ARHGAP12: variants seen among roughly 807,000 people sequenced by gnomAD.
ARHGAP12 encodes the protein Rho GTPase activating protein 12.
A neutral mutation model predicts 108.6 loss-of-function variants in ARHGAP12; 64 were observed. The observed-to-expected ratio is 0.59, with a 90% confidence interval of 0.48 to 0.73. The LOEUF (loss-of-function observed/expected upper bound fraction) is 0.73. Among genes scored for constraint, ARHGAP12 ranks in the 30% least tolerant of loss-of-function variants. The pLI, the probability that ARHGAP12 is intolerant of heterozygous loss-of-function variation, is 0.00. For synonymous variants in ARHGAP12, 312 were observed against 337.2 expected, an observed-to-expected ratio of 0.93 and a Z score of 0.82; for missense variants, 940 against 1,005.9, an observed-to-expected ratio of 0.93 and a Z score of 0.89.
chr10:31,927,558 C>G (rs1840101476), intron 1 of ARHGAP12, among the ~76,000 whole-genome samples: 4 of 152,172 alleles, frequency 2.6e-5, no homozygotes, highest in Admixed American at 2.6e-4. Context: ...AAATCTACTT[C>G]TCAATGTCAT....
chr10:31,825,999 C>T (rs2132184359), intron 11 of ARHGAP12, among the ~76,000 whole-genome samples: 1 of 152,246 alleles, frequency 6.6e-6, no homozygotes, highest in South Asian at 2.1e-4. Flanking sequence ...CACAGCAAAG[C>T]TTTAACATCC....
chr10:31,925,182 T>C (rs560870918), intron 1 of ARHGAP12, among the ~76,000 whole-genome samples: 64 of 152,268 alleles, frequency 4.2e-4, no homozygotes, highest in African/African-American at 1.5e-3. Context: ...TTTAAAAGTT[T>C]TAGGTCTTAC....
chr10:31,927,529 C>A (rs1194947908), intron 1 of ARHGAP12, among the ~76,000 whole-genome samples: 1 of 152,162 alleles, frequency 6.6e-6, no homozygotes, highest in African/African-American at 2.4e-5. Context: ...TTTAGGAACG[C>A]ATGCCTAAAT....
intron 3 of ARHGAP12, among the ~76,000 whole-genome samples, chr10:31,864,976 AGTTAGCCCGGT>A (rs140489421): frequency 0.011 from 1,644 of 152,250 alleles, 41 homozygotes; most frequent in African/African-American, 0.038. Context: ...AATAAACAGG[AGTTAGCCCGGT>A]AAAAGTTGGG....
At chr10:31,919,622 C>A (rs1210789573) in intron 1 of ARHGAP12, among the ~76,000 whole-genome samples, 3 of 150,192 alleles carry the variant, frequency 2.0e-5, no homozygotes, top group Non-Finnish European at 3.0e-5. Flanking sequence ...GAAACCGTCT[C>A]TACTAAAAAT....
chr10:31,825,199 A>C (rs953178010), intron 11 of ARHGAP12, among the ~76,000 whole-genome samples: 1 of 152,164 alleles, frequency 6.6e-6, no homozygotes, highest in Non-Finnish European at 1.5e-5. Flanking sequence ...AAGCTGAGGA[A>C]TAATGTGTTC....
intron 12 of ARHGAP12, among the ~76,000 whole-genome samples, chr10:31,818,501 T>TTATTAAA (rs1478058160): frequency 4.6e-5 from 7 of 152,148 alleles, no homozygotes; most frequent in African/African-American, 1.7e-4. Flanking sequence ...TTATGTACAA[T>TTATTAAA]CTCTGTTTTG....
intron 9 of ARHGAP12, among the ~76,000 whole-genome samples, chr10:31,835,431 G>A (rs1239376571): frequency 6.6e-6 from 1 of 152,056 alleles, no homozygotes; most frequent in Non-Finnish European, 1.5e-5. Flanking sequence ...AAAATAAGCA[G>A]GAATGCTTTA....
Position 31,852,371 on chromosome 10 carries a change from C to T in ARHGAP12, c.1170+146G>A, listed in dbSNP as rs145974302. The T allele has an allele frequency of 1.1e-3, 752 of 677,124 alleles. 5 individuals carry two copies. In the African/African-American group the frequency reaches 0.012, roughly 11 times the overall value. 41.9% of individuals were successfully genotyped at this position (677,124 alleles called of 1,614,324 possible). ...TGTACATCTTAGAAAACTTACACTA[C>T]TCACAGTATTCACAGTGAATTCTGA... On this transcript the variant is annotated intron_variant, in intron 6 of 19. Coordinates refer to ENST00000344936, the MANE Select transcript of ARHGAP12 (RefSeq NM_018287.7).
chr10:31,828,219 C>T (rs1349964799), intron 10 of ARHGAP12, among the ~76,000 whole-genome samples: 3 of 148,184 alleles, frequency 2.0e-5, no homozygotes, highest in African/African-American at 7.4e-5. Flanking sequence ...CACCTTATTG[C>T]TTTTTTTTTT....
At chr10:31,896,872 T>G (rs1367291429) in intron 3 of ARHGAP12, among the ~76,000 whole-genome samples, 1 of 152,288 alleles carries the variant, frequency 6.6e-6, no homozygotes, top group East Asian at 1.9e-4. Context: ...CAAAGTCACG[T>G]GTCAAACCAC....
At position 31,809,461 on chromosome 10, in the gene ARHGAP12, G is replaced by A; in HGVS notation, c.2051-154C>T. 4 of 654,940 alleles carry A rather than the reference G, an allele frequency of 6.1e-6. No homozygotes were observed. The South Asian group carries it at 7.3e-5, about 12-fold the overall frequency. 40.6% of individuals were successfully genotyped at this position (654,940 alleles called of 1,614,324 possible). ...TTTCTCTAAATGGCTTCTGGTAGAT[G>A]CTTGGCAGGGGAGAGAGATGGAGAT... On this transcript the variant is annotated intron_variant, in intron 16 of 19. Coordinates refer to ENST00000344936, the MANE Select transcript of ARHGAP12 (RefSeq NM_018287.7).
At chr10:31,821,321 A>C (rs112276960) in intron 11 of ARHGAP12, among the ~76,000 whole-genome samples, 52 of 152,282 alleles carry the variant, frequency 3.4e-4, no homozygotes, top group African/African-American at 1.2e-3. Flanking sequence ...GATTAGCAAA[A>C]GTAGTAGAAA....
intron 3 of ARHGAP12, among the ~76,000 whole-genome samples, chr10:31,880,486 TTTTGTTTAA>T (rs1467844516): frequency 6.9e-6 from 1 of 145,960 alleles, no homozygotes; most frequent in Admixed American, 7.2e-5. Context: ...AAAAAAACAC[TTTTGTTTAA>T]TTTAATGGGT....
intron 18 of ARHGAP12, 26 bp from the exon 19 acceptor site, chr10:31,808,777 T>G (rs748319958): frequency 6.2e-7 from 1 of 1,606,874 alleles, no homozygotes; most frequent in African/African-American, 1.3e-5. Context: ...AACCAGATAT[T>G]TTACAGCAAA....
intron 1 of ARHGAP12, among the ~76,000 whole-genome samples, chr10:31,924,627 T>C (rs1839954767): frequency 6.6e-6 from 1 of 152,190 alleles, no homozygotes; most frequent in Non-Finnish European, 1.5e-5. Flanking sequence ...TTAATAAAAC[T>C]GAAATTTAAA....
chr10:31,925,962 CT>C (rs535122273), intron 1 of ARHGAP12, among the ~76,000 whole-genome samples: 71 of 152,278 alleles, frequency 4.7e-4, no homozygotes, highest in African/African-American at 1.6e-3. Context: ...ATTTATTTCA[CT>C]TTTTTTCCAC....
At chr10:31,870,699 C>T (rs556804642) in intron 3 of ARHGAP12, among the ~76,000 whole-genome samples, 1 of 152,212 alleles carries the variant, frequency 6.6e-6, no homozygotes, top group East Asian at 1.9e-4. Context: ...CTAAAAATTA[C>T]ATGATCAATA....
chr10:31,814,174 C>A (rs1835117374), intron 14 of ARHGAP12, 85 bp downstream of exon 14: 1 of 1,062,598 alleles, frequency 9.4e-7, no homozygotes, highest in Admixed American at 1.9e-5. Context: ...ACATTCCATT[C>A]AGCTTTTATA....
Sources: gnomAD v4.1 joint callset for allele counts (sites outside exome capture counted in the v4.1 genomes callset) on GRCh38, gnomAD v4.1.1 for gene constraint, MANE v1.5 for transcripts, NCBI Gene and HGNC (gene_info 2026-07-23, HGNC 2026-07-21) for gene names.